CAMK1G: variants seen among roughly 807,000 people sequenced by gnomAD.
The protein encoded by CAMK1G is calcium/calmodulin-dependent protein kinase type 1G.
A neutral mutation model predicts 54.8 loss-of-function variants in CAMK1G; 27 were observed. That is an observed-to-expected ratio of 0.49 (90% CI 0.36 to 0.68). The LOEUF (loss-of-function observed/expected upper bound fraction) is 0.68, where lower values mean the gene tolerates loss of function less well. CAMK1G is among the 30% of genes least tolerant of loss of function. The pLI is 0.00. For synonymous variants in CAMK1G, 238 were observed against 224.9 expected (o/e 1.06, Z -0.52); for missense variants, 512 against 591.0 (o/e 0.87, Z 1.39).
At chr1:209,607,104 C>T (rs184102365) in intron 6 of CAMK1G, among the ~76,000 whole-genome samples, 340 of 152,274 alleles carry the variant, frequency 2.2e-3, no homozygotes, top group African/African-American at 7.6e-3. Context: ...CCAGTCGTCA[C>T]CTGTTTGCAG....
chr1:209,612,308 C>G (rs760160750), intron 11 of CAMK1G, 92 bp downstream of exon 11: 18 of 1,350,902 alleles, frequency 1.3e-5, no homozygotes, highest in Non-Finnish European at 1.8e-5. Flanking sequence ...AGGCCTCTCC[C>G]ACTCATAGGC....
chr1:209,601,053 G>T (rs7553120), intron 3 of CAMK1G, among the ~76,000 whole-genome samples: 34,961 of 152,072 alleles, frequency 0.23, 4,949 homozygotes, highest in African/African-American at 0.4. Context: ...AGGAATGTTG[G>T]CTTTATTCTG....
intron 1 of CAMK1G, among the ~76,000 whole-genome samples, chr1:209,592,585 A>C (rs1257458077): frequency 6.6e-6 from 1 of 152,106 alleles, no homozygotes; most frequent in African/African-American, 2.4e-5. Context: ...CCTAGGCTTA[A>C]AGCCTCCCAC....
chr1:209,605,629 A>G lies in CAMK1G; in HGVS notation c.390A>G (p.Ala130=). The change falls in exon 5 of 13, where the codon GCA becomes GCG. Residue 130 remains alanine, a synonymous_variant. Transcript: ENST00000361322. ...ASLVIQQVLS[A]VKYLHENGIV... ...TGGTGATCCAGCAGGTCTTGTCGGC[A>G]GTGAAATACCTACATGAGAATGGCA... 6.2e-7 allele frequency: 1 copy of G among 1,614,170 alleles called. No individual in the cohort carries two copies. The highest frequency in any genetic ancestry group is 1.6e-4 in the Middle Eastern group (1 of 6,062).
At chr1:209,607,309 GCTCT>G (rs1279066486) in intron 6 of CAMK1G, among the ~76,000 whole-genome samples, 1 of 152,220 alleles carries the variant, frequency 6.6e-6, no homozygotes, top group African/African-American at 2.4e-5. Flanking sequence ...CCCTCTGAAA[GCTCT>G]CTATCTGATG....
At chr1:209,598,774 G>A (rs1665449987) in intron 2 of CAMK1G, among the ~76,000 whole-genome samples, 2 of 152,168 alleles carry the variant, frequency 1.3e-5, no homozygotes, top group South Asian at 4.2e-4. Flanking sequence ...TAACTTTTTA[G>A]TTGGAAATAA....
At chr1:209,600,724 A>C (rs1196749844) in intron 3 of CAMK1G, among the ~76,000 whole-genome samples, 1 of 152,278 alleles carries the variant, frequency 6.6e-6, no homozygotes, top group Non-Finnish European at 1.5e-5. Context: ...CACTAGCAGA[A>C]GGCAGAGTTT....
intron 2 of CAMK1G, among the ~76,000 whole-genome samples, chr1:209,599,280 G>A (rs1402458469): frequency 6.6e-6 from 1 of 152,110 alleles, no homozygotes; most frequent in Non-Finnish European, 1.5e-5. Context: ...AGATTTGAGT[G>A]GGGACACAAA....
chr1:209,612,300 G>C, intron 11 of CAMK1G, 84 bp downstream of exon 11: 6 of 1,447,722 alleles, frequency 4.1e-6, no homozygotes, highest in Non-Finnish European at 4.7e-6. Context: ...GGACACAAAG[G>C]CCTCTCCCAC....
chr1:209,609,245 G>T (rs961196740), intron 8 of CAMK1G, among the ~76,000 whole-genome samples, 153 bp downstream of exon 8: 4 of 152,184 alleles, frequency 2.6e-5, no homozygotes, highest in African/African-American at 9.6e-5. Flanking sequence ...ATCTTCGTCT[G>T]CTTCAAAGAC....
chr1:209,601,156 T>C (rs1484118678), intron 3 of CAMK1G, among the ~76,000 whole-genome samples: 2 of 152,124 alleles, frequency 1.3e-5, no homozygotes, highest in Non-Finnish European at 2.9e-5. Flanking sequence ...CAGTGGAGGA[T>C]GGATTGGAGG....
chr1:209,599,822 T>G, intron 2 of CAMK1G, 161 bp from the exon 3 acceptor site: 1 of 423,208 alleles, frequency 2.4e-6, no homozygotes, highest in Non-Finnish European at 3.2e-6. Flanking sequence ...CTTTTTTAAA[T>G]TTTGTGCTTT....
chr1:209,585,688 G>A lies in CAMK1G; in HGVS notation c.-30+1916G>A, dbSNP rs553515407. Among the ~76,000 whole-genome samples the A allele has an allele frequency of 8.5e-5, 13 of 152,344 alleles. No individual in the cohort carries two copies. The East Asian group carries it at 1.7e-3, about 20-fold the overall frequency. Reference sequence around the variant, plus strand: ...ATAAAGCCTGGGAGCGATTCTACCTGGAAGTGAAAAAGCATCCCCCTCTAA... The same window carrying A: ...ATAAAGCCTGGGAGCGATTCTACCTAGAAGTGAAAAAGCATCCCCCTCTAA... On this transcript the variant is annotated intron_variant, in intron 1 of 12. Transcript: ENST00000361322.
Position 209,612,180 on chromosome 1 carries a change from C to T in CAMK1G, c.1304C>T (p.Ser435Phe). Residue 435 changes from serine (S) to phenylalanine (F), a missense_variant, in exon 11 of 13, where the codon TCT (serine) becomes TTT (phenylalanine). By Grantham distance (155) the Ser-to-Phe change is radical. Transcript: ENST00000361322. Reference sequence around the variant, plus strand: ...AGCAAAGGAAAGTCCTCCTACTGCTCTGAGCCCACACTCCTCAAAAAGGCC... The same window carrying T: ...AGCAAAGGAAAGTCCTCCTACTGCTTTGAGCCCACACTCCTCAAAAAGGCC... Reference protein sequence around the residue: ...IGSKGKSSYCSEPTLLKKANK... With the variant: ...IGSKGKSSYCFEPTLLKKANK... 3 of 1,614,146 alleles carry T rather than the reference C, an allele frequency of 1.9e-6. No homozygotes were observed. The highest frequency in any genetic ancestry group is 2.5e-6 in the Non-Finnish European group (3 of 1,180,052).
chr1:209,584,405 A>G (rs1301712458), intron 1 of CAMK1G, among the ~76,000 whole-genome samples: 1 of 152,170 alleles, frequency 6.6e-6, no homozygotes, highest in East Asian at 1.9e-4. Flanking sequence ...TAAGATGCAG[A>G]ACGCAGCCGA....
At chr1:209,586,157 G>A (rs1298852161) in intron 1 of CAMK1G, among the ~76,000 whole-genome samples, 1 of 152,228 alleles carries the variant, frequency 6.6e-6, no homozygotes, top group Non-Finnish European at 1.5e-5. Context: ...GGAAGCCAGA[G>A]TAGAGTGCCT....
chr1:209,589,815 C>T (rs1391282499), intron 1 of CAMK1G, among the ~76,000 whole-genome samples: 1 of 152,122 alleles, frequency 6.6e-6, no homozygotes, highest in Non-Finnish European at 1.5e-5. Context: ...ATTTATAGCC[C>T]AAATTGTACA....
Position 209,606,391 on chromosome 1 carries a change from G to C in CAMK1G, c.507G>C (p.Lys169Asn). ...TGATCACTGACTTTGGTCTGTCCAA[G>C]ATGGAACAGAATGGCATCATGTCCA... ...KIMITDFGLS[K>N]MEQNGIMSTA... is the part of the protein sequence containing the mutation. Residue 169 changes from lysine (K) to asparagine (N), a missense_variant, in exon 6 of 13, where the codon AAG becomes AAC. Lys to Asn is a moderately conservative substitution (Grantham distance 94). Transcript: ENST00000361322. 6.2e-7 allele frequency: 1 copy of C among 1,614,138 alleles called. No homozygotes were observed. Among genetic ancestry groups the C allele is most frequent in the East Asian group, 2.2e-5 (1 of 44,886 alleles).
In CAMK1G at chr1:209,595,009, G is replaced by T. The variant is rs777060962; in HGVS notation, c.26G>T (p.Cys9Phe). Reference protein sequence around the residue: MGRKEEDDCSSWKKQTTNI... With the variant: MGRKEEDDFSSWKKQTTNI... ...ATGGGTCGAAAGGAAGAAGATGACT[G>T]CAGTTCCTGGAAGAAACAGACCACC... Residue 9 changes from cysteine to phenylalanine, a missense_variant, in exon 2 of 13, where the codon TGC becomes TTC. Physicochemically the swap from Cys to Phe is radical, Grantham distance 205. Coordinates refer to ENST00000361322, the MANE Select transcript of CAMK1G (RefSeq NM_020439.3). The T allele has an allele frequency of 1.9e-6, 3 of 1,613,918 alleles. No individual in the cohort carries two copies. Among genetic ancestry groups the T allele is most frequent in the Admixed American group, 1.7e-5 (1 of 59,976 alleles).
Sources: allele counts gnomAD v4.1 joint callset (sites outside exome capture counted in the v4.1 genomes callset), GRCh38; gene constraint gnomAD v4.1.1; transcripts MANE v1.5; gene names NCBI Gene and HGNC (gene_info 2026-07-23, HGNC 2026-07-21).